Variants in GRIP1 observed in about 807,000 individuals in gnomAD.
The protein encoded by GRIP1 is glutamate receptor-interacting protein 1.
A neutral mutation model predicts 129.9 loss-of-function variants in GRIP1; 45 were observed. The ratio of observed to expected loss-of-function variants is 0.35; its 90% CI spans 0.27 to 0.44. GRIP1 has a LOEUF of 0.44. Among genes scored for constraint, GRIP1 ranks in the 20% least tolerant of loss-of-function variants. The pLI is 1.00. For missense variants in GRIP1, 1,196 were observed against 1,396.8 expected, an observed-to-expected ratio of 0.86 and a Z score of 2.29; for synonymous variants, 530 against 520.8, an observed-to-expected ratio of 1.02 and a Z score of -0.24.
intron 1 of GRIP1, among the ~76,000 whole-genome samples, chr12:66,817,622 T>C (rs2039245434): frequency 6.6e-6 from 1 of 152,016 alleles, no homozygotes. Context: ...TTGGTCAGGC[T>C]GGCTGGTCTC....
intron 14 of GRIP1, among the ~76,000 whole-genome samples, chr12:66,425,702 C>G (rs560939218): frequency 9.9e-5 from 15 of 152,214 alleles, no homozygotes; most frequent in Non-Finnish European, 1.6e-4. Flanking sequence ...AACCATCATT[C>G]TCAGCAAACT....
chr12:66,841,444 C>T (rs968237933), intron 1 of GRIP1, among the ~76,000 whole-genome samples: 45 of 152,310 alleles, frequency 3.0e-4, no homozygotes, highest in African/African-American at 9.6e-4. Flanking sequence ...TATAATTAAA[C>T]ATATATCACC....
At chr12:66,574,380 C>T (rs997712972) in intron 2 of GRIP1, among the ~76,000 whole-genome samples, 1 of 152,254 alleles carries the variant, frequency 6.6e-6, no homozygotes, top group Non-Finnish European at 1.5e-5. Flanking sequence ...TCTACTCCTC[C>T]CATCTCAGAG....
chr12:66,757,351 GGC>G (rs2037326956), intron 1 of GRIP1, among the ~76,000 whole-genome samples: 3 of 152,018 alleles, frequency 2.0e-5, no homozygotes, highest in Admixed American at 1.3e-4. Context: ...TTCTGTGTCT[GGC>G]TTATTTCACT....
At chr12:67,001,527 A>C (rs754134057) in intron 1 of GRIP1, among the ~76,000 whole-genome samples, 1 of 152,190 alleles carries the variant, frequency 6.6e-6, no homozygotes, top group Non-Finnish European at 1.5e-5. Context: ...GATCCTCTGT[A>C]GTCTTTTTAA....
At chr12:66,603,275 A>G (rs141526374) in intron 1 of GRIP1, among the ~76,000 whole-genome samples, 22 of 152,286 alleles carry the variant, frequency 1.4e-4, no homozygotes, top group African/African-American at 5.3e-4. Flanking sequence ...CTAATTAACC[A>G]TAATCTGATA....
chr12:66,436,458 A>T (rs1237650622), intron 13 of GRIP1, among the ~76,000 whole-genome samples: 1 of 152,204 alleles, frequency 6.6e-6, no homozygotes, highest in African/African-American at 2.4e-5. Context: ...TATTCATGAT[A>T]TTAGTTGGAG....
At chr12:66,532,797 C>T (rs2061497491) in intron 4 of GRIP1, among the ~76,000 whole-genome samples, 1 of 152,024 alleles carries the variant, frequency 6.6e-6, no homozygotes, top group Non-Finnish European at 1.5e-5. Context: ...ACCACCACCA[C>T]CATCATCTGT....
chr12:66,808,473 T>TTTTGTTTG (rs529277448), upstream of GRIP1, among the ~76,000 whole-genome samples: 39 of 151,862 alleles, frequency 2.6e-4, no homozygotes, highest in African/African-American at 9.2e-4. Flanking sequence ...ACTTTTTGTG[T>TTTTGTTTG]TTTGTTTGTT....
At position 66,392,478 on chromosome 12, in the gene GRIP1, T is replaced by A; in HGVS notation, c.2294A>T (p.Lys765Met). ...ACTCAAATGGCTAGAAATAGGGAAC[T>A]TCTTGGGGCTCGATGCTGACTGGGC... ...TDAQSASSPK[K>M]FPISSHLSDL... Residue 765 changes from lysine to methionine, a missense_variant, in exon 19 of 25, where the codon AAG becomes ATG. Physicochemically the swap from Lys to Met is moderately conservative, Grantham distance 95. This residue lies in a region of GRIP1 where 427 missense variants were observed against 463.3 expected (regional missense o/e 0.92). Transcript: ENST00000359742. The A allele has an allele frequency of 1.9e-6, 3 of 1,614,130 alleles. No individual in the cohort carries two copies. The highest frequency in any genetic ancestry group is 2.5e-6 in the Non-Finnish European group (3 of 1,179,966).
At chr12:66,811,732 T>C (rs1311632712) in intron 1 of GRIP1, among the ~76,000 whole-genome samples, 1 of 152,128 alleles carries the variant, frequency 6.6e-6, no homozygotes, top group Non-Finnish European at 1.5e-5. Context: ...AAGTTATACA[T>C]ATTTATTTAT....
chr12:66,694,768 A>G (rs1375841812), intron 1 of GRIP1, among the ~76,000 whole-genome samples: 2 of 152,186 alleles, frequency 1.3e-5, no homozygotes, highest in African/African-American at 4.8e-5. Flanking sequence ...GTATAAAATT[A>G]TAAGTCATTA....
At position 66,965,549 on chromosome 12, in the gene GRIP1, T is replaced by TTGTGTGTGTGTGTGTG. The variant is rs368637185; in HGVS notation, c.58+103485_58+103500dup. ...TTCTTAGGCTACTGGAAAAGAAACA[T>TTGTGTGTGTGTGTGTG]TGTGTGTGTGTGTGTGTGTGTGTGT... On this transcript the variant is annotated intron_variant, in intron 1 of 1. Coordinates refer to the GRIP1 transcript ENST00000643019. 1.9e-3 allele frequency among the ~76,000 whole-genome samples: 241 copies of TTGTGTGTGTGTGTGTG among 128,330 alleles called. 2 individuals are homozygous for TTGTGTGTGTGTGTGTG. The highest frequency in any genetic ancestry group is 0.01 in the East Asian group (37 of 3,686). 84.2% of individuals were successfully genotyped at this position (128,330 alleles called of 152,430 possible). A position where few individuals can be genotyped will look rare whatever the true frequency, so the allele number is the denominator to read the frequency against.
chr12:66,481,175 AG>A (rs1327956924), intron 7 of GRIP1, among the ~76,000 whole-genome samples: 1 of 151,488 alleles, frequency 6.6e-6, no homozygotes, highest in Non-Finnish European at 1.5e-5. Context: ...ACAGAATGGG[AG>A]AAAATTTTTG....
intron 1 of GRIP1, among the ~76,000 whole-genome samples, chr12:66,972,924 C>A (rs2042095123): frequency 6.6e-6 from 1 of 152,150 alleles, no homozygotes; most frequent in South Asian, 2.1e-4. Flanking sequence ...TCCTGGCCCC[C>A]AAACAGGGTC....
At chr12:66,699,396 G>A (rs2035273761) in intron 1 of GRIP1, among the ~76,000 whole-genome samples, 2 of 152,156 alleles carry the variant, frequency 1.3e-5, no homozygotes, top group Admixed American at 6.5e-5. Flanking sequence ...TGTTGTGGGA[G>A]GGACCTAGTG....
chr12:66,352,458 C>T (rs546778426), intron 24 of GRIP1, among the ~76,000 whole-genome samples: 3 of 152,272 alleles, frequency 2.0e-5, no homozygotes, highest in Non-Finnish European at 2.9e-5. Context: ...AGAGGTTGCG[C>T]ACAGTGGCTC....
At chr12:67,063,345 G>A (rs956374280) in intron 1 of GRIP1, among the ~76,000 whole-genome samples, 4 of 152,080 alleles carry the variant, frequency 2.6e-5, no homozygotes, top group African/African-American at 9.7e-5. Flanking sequence ...AATTAAATCA[G>A]GTGCTTTTAA....
chr12:67,020,868 G>C (rs2042856456), intron 1 of GRIP1, among the ~76,000 whole-genome samples: 1 of 152,078 alleles, frequency 6.6e-6, no homozygotes, highest in South Asian at 2.1e-4. Context: ...GGGAAACCAA[G>C]GTGGGAGGAT....
Sources: gnomAD v4.1 joint callset for allele counts (sites outside exome capture counted in the v4.1 genomes callset) on GRCh38, gnomAD v4.1.1 for gene constraint, gnomAD v4.1.1 regional missense constraint, MANE v1.5 for transcripts, NCBI Gene and HGNC (gene_info 2026-07-23, HGNC 2026-07-21) for gene names.